Variants in FAM168A observed in about 807,000 individuals in gnomAD.
FAM168A encodes the protein family with sequence similarity 168 member A.
FAM168A carries 3 observed loss-of-function variants against 28.5 expected under a neutral mutation model. That is an observed-to-expected ratio of 0.11 (90% confidence interval 0.05 to 0.27). The LOEUF (loss-of-function observed/expected upper bound fraction) is 0.27, where lower values mean the gene tolerates loss of function less well. Ranked by LOEUF, FAM168A falls within the 10% of genes least tolerant of loss-of-function variation. FAM168A has a pLI of 1.00. For synonymous variants in FAM168A, 122 were observed against 124.2 expected (o/e 0.98, Z 0.12); for missense variants, 222 against 311.5 (o/e 0.71, Z 2.16).
intron 1 of FAM168A, among the ~76,000 whole-genome samples, chr11:73,514,978 AC>A (rs1369818325): frequency 1.3e-5 from 2 of 152,190 alleles, no homozygotes; most frequent in African/African-American, 2.4e-5. Context: ...CTTAATCTAC[AC>A]CTACCCATGG....
Position 73,403,524 on chromosome 11 carries a change from T to C in FAM168A, c.*3239A>G, listed in dbSNP as rs1302042930. 2 of 152,222 alleles carry C rather than the reference T, an allele frequency of 1.3e-5. No homozygotes were observed. The highest frequency in any genetic ancestry group is 2.9e-5 in the Non-Finnish European group (2 of 68,056). 9.4% of individuals were successfully genotyped at this position (152,222 alleles called of 1,614,324 possible). On this transcript the variant is annotated 3_prime_UTR_variant, in exon 8 of 8. Coordinates refer to ENST00000356467, the MANE Select transcript of FAM168A (RefSeq NM_015159.3). ...TGTCAGGCGGCTACATCCCTTGTCCTCTCTTGCTTGCCTGCCTTCAATGAG... is the reference window on the plus strand; with the variant it reads ...TGTCAGGCGGCTACATCCCTTGTCCCCTCTTGCTTGCCTGCCTTCAATGAG...
rs554311527 is a variant in FAM168A, at chr11:73,564,111, G to A, written c.-19+33812C>T. On this transcript the variant is annotated intron_variant, in intron 1 of 7. Coordinates refer to ENST00000356467, the MANE Select transcript of FAM168A (RefSeq NM_015159.3). ...GGACTTGGAGAAGGTCTTCTATAGC[G>A]GCTTACAAAAGTCCTGAACATTCAG... Among the ~76,000 whole-genome samples the A allele has an allele frequency of 7.1e-4, 108 of 152,172 alleles. 1 individual carries two copies. In the South Asian group the frequency reaches 0.019, roughly 27 times the overall value.
chr11:73,448,463 A>G (rs1325782866), intron 2 of FAM168A, among the ~76,000 whole-genome samples: 1 of 152,232 alleles, frequency 6.6e-6, no homozygotes, highest in Non-Finnish European at 1.5e-5. Flanking sequence ...CCAACTAGAG[A>G]AGCTAATTTA....
chr11:73,580,714 T>A (rs1417566124), intron 1 of FAM168A, among the ~76,000 whole-genome samples: 1 of 152,226 alleles, frequency 6.6e-6, no homozygotes, highest in Non-Finnish European at 1.5e-5. Flanking sequence ...CAAAGCTGGA[T>A]TGATGTGGGG....
At chr11:73,464,296 C>A in intron 2 of FAM168A, among the ~76,000 whole-genome samples, 1 of 132,124 alleles carries the variant, frequency 7.6e-6, no homozygotes. Context: ...GTGATCCTTA[C>A]AAAGTTTTAA....
At chr11:73,566,554 T>C (rs79839213) in intron 1 of FAM168A, among the ~76,000 whole-genome samples, 3,130 of 152,232 alleles carry the variant, frequency 0.021, 96 homozygotes, top group African/African-American at 0.071. Flanking sequence ...TGATTGCCAA[T>C]GAAAAGAGCT....
At position 73,484,818 on chromosome 11, in the gene FAM168A, G is replaced by A. The variant is rs555523478; in HGVS notation, c.-18-16326C>T. On this transcript the variant is annotated intron_variant, in intron 1 of 7. Transcript: ENST00000356467. ...AGATCCTACAATAGGCCATCTGCAAGCTGAGGAGCAAGGAAGCCAGTCCAA... is the reference window on the plus strand; with the variant it reads ...AGATCCTACAATAGGCCATCTGCAAACTGAGGAGCAAGGAAGCCAGTCCAA... 5.9e-5 allele frequency among the ~76,000 whole-genome samples: 9 copies of A among 151,564 alleles called. 1 individual carries two copies. The South Asian group carries it at 1.7e-3, about 28-fold the overall frequency.
chr11:73,407,448 C>A (rs1866526705), intron 7 of FAM168A, 65 bp downstream of exon 7: 2 of 1,191,124 alleles, frequency 1.7e-6, no homozygotes, highest in Non-Finnish European at 1.1e-6. Context: ...AGACCCAAAC[C>A]AGGGACTTTG....
rs1866653382 is a variant in FAM168A, at chr11:73,413,677, G to T, written c.278-2141C>A. 2.6e-5 allele frequency among the ~76,000 whole-genome samples: 4 copies of T among 152,182 alleles called. No homozygotes were observed. The South Asian group carries it at 8.3e-4, about 31-fold the overall frequency. ...GATCTTAATAGTTGTTTTTGCCAAA[G>T]AAAAGGAAACAAAAGAGTTCTATAG... On this transcript the variant is annotated intron_variant, in intron 4 of 7. Transcript: ENST00000356467.
At chr11:73,535,722 C>CTTTT (rs59312114) in intron 1 of FAM168A, among the ~76,000 whole-genome samples, 1 of 116,968 alleles carries the variant, frequency 8.5e-6, no homozygotes, top group Non-Finnish European at 1.8e-5. Context: ...CCTCACCCTT[C>CTTTT]TTTTTTTTTT....
intron 1 of FAM168A, among the ~76,000 whole-genome samples, chr11:73,518,674 G>A (rs986245261): frequency 6.6e-5 from 10 of 152,158 alleles, no homozygotes; most frequent in Admixed American, 5.2e-4. Flanking sequence ...GAGGCGGGTG[G>A]ATCACGAGGT....
chr11:73,430,491 G>A (rs1431770282), intron 3 of FAM168A, 199 bp downstream of exon 3: 11 of 553,104 alleles, frequency 2.0e-5, no homozygotes, highest in Non-Finnish European at 3.3e-5. Context: ...CCCAGACAGA[G>A]TGGAGGAGAT....
At chr11:73,417,768 C>A (rs1171415582) in intron 4 of FAM168A, among the ~76,000 whole-genome samples, 4 of 152,050 alleles carry the variant, frequency 2.6e-5, no homozygotes, top group Non-Finnish European at 5.9e-5. Context: ...ACCATGTTGG[C>A]CAGGATGGTC....
At chr11:73,423,302 T>C (rs1241009594) in intron 3 of FAM168A, among the ~76,000 whole-genome samples, 2 of 152,164 alleles carry the variant, frequency 1.3e-5, no homozygotes, top group African/African-American at 4.8e-5. Flanking sequence ...GCCCCCAATT[T>C]TCAAGCTGCA....
In FAM168A at chr11:73,400,966, A is replaced by T. The variant is rs1866394211; in HGVS notation, c.*5797T>A. The T allele has an allele frequency of 6.6e-6, 1 of 152,070 alleles. No individual in the cohort carries two copies. The highest frequency in any genetic ancestry group is 6.5e-5 in the Admixed American group (1 of 15,272). 9.4% of individuals were successfully genotyped at this position (152,070 alleles called of 1,614,324 possible). A position where few individuals can be genotyped will look rare whatever the true frequency, so the allele number is the denominator to read the frequency against. ...AACAACAAAACAAAACCAGATTTAC[A>T]CTTCATACACACAGGCAAGGCCATG... On this transcript the variant is annotated 3_prime_UTR_variant, in exon 8 of 8. Coordinates refer to ENST00000356467, the MANE Select transcript of FAM168A (RefSeq NM_015159.3).
rs1866483734 is a variant in FAM168A at position 73,405,216 on chromosome 11, A to C, written c.*1547T>G. 6.6e-6 allele frequency: 1 copy of C among 152,204 alleles called. No homozygotes were observed. Among genetic ancestry groups the C allele is most frequent in the African/African-American group, 2.4e-5 (1 of 41,438 alleles). 9.4% of individuals were successfully genotyped at this position (152,204 alleles called of 1,614,324 possible). On this transcript the variant is annotated 3_prime_UTR_variant, in exon 8 of 8. Coordinates refer to ENST00000356467, the MANE Select transcript of FAM168A (RefSeq NM_015159.3). ...GGAGGTGGAGTCAGGTACAGGACGG[A>C]AGTTCCAGATGTCTTCACAGAATTT...
At chr11:73,431,612 G>A (rs75536036) in intron 2 of FAM168A, among the ~76,000 whole-genome samples, 2,406 of 152,242 alleles carry the variant, frequency 0.016, 60 homozygotes, top group African/African-American at 0.055. Context: ...TGGCATAAAT[G>A]CTTCCACTAT....
At chr11:73,471,809 GAA>G (rs1867818105) in intron 1 of FAM168A, among the ~76,000 whole-genome samples, 1 of 152,182 alleles carries the variant, frequency 6.6e-6, no homozygotes, top group Admixed American at 6.5e-5. Context: ...GGAGGGGGAA[GAA>G]AGAGAGATTT....
At chr11:73,552,278 G>A (rs141418667) in intron 1 of FAM168A, among the ~76,000 whole-genome samples, 180 of 152,256 alleles carry the variant, frequency 1.2e-3, no homozygotes, top group Non-Finnish European at 1.3e-3. Flanking sequence ...GCCTAACCTT[G>A]AAGAGCTGTG....
Sources: gnomAD v4.1 joint callset for allele counts (sites outside exome capture counted in the v4.1 genomes callset) on GRCh38, gnomAD v4.1.1 for gene constraint, MANE v1.5 for transcripts, NCBI Gene and HGNC (gene_info 2026-07-23, HGNC 2026-07-21) for gene names.